Variants in MAGI2 observed in about 807,000 individuals in gnomAD.
The protein encoded by MAGI2 is membrane associated guanylate kinase, WW and PDZ domain containing 2, also known as membrane-associated guanylate kinase, WW and PDZ domain-containing protein 2.
MAGI2 carries 35 observed loss-of-function variants against 133.3 expected under a neutral mutation model. The observed-to-expected ratio is 0.26, with a 90% CI of 0.20 to 0.35. MAGI2 has a LOEUF of 0.35. Among genes scored for constraint, MAGI2 ranks in the 10% least tolerant of loss-of-function variants. The probability of loss-of-function intolerance (pLI) is 1.00; values close to 1 mark genes in which losing one functional copy is unlikely to be tolerated. For synonymous variants in MAGI2, 729 were observed against 710.6 expected (o/e 1.03, Z -0.41); for missense variants, 1,636 against 1,863.4 (o/e 0.88, Z 2.25).
intron 21 of MAGI2, among the ~76,000 whole-genome samples, chr7:78,046,684 C>T (rs1360209579): frequency 6.6e-6 from 1 of 152,062 alleles, no homozygotes; most frequent in Non-Finnish European, 1.5e-5. Context: ...CCAAGCAACT[C>T]ATGATAGCTC....
rs192334466 is a variant in MAGI2 at position 78,148,704 on chromosome 7, C to G, written c.2845+11321G>C. 9.2e-5 allele frequency among the ~76,000 whole-genome samples: 14 copies of G among 152,202 alleles called. No homozygotes were observed. In the East Asian group the frequency reaches 2.7e-3, roughly 29 times the overall value. On this transcript the variant is annotated intron_variant, in intron 16 of 21. Transcript: ENST00000354212. ...GGTGGTCAAGGTTAGGGGAAGCAGG[C>G]AGCATAGTCACAGTGGTATGACTTG...
intron 2 of MAGI2, among the ~76,000 whole-genome samples, chr7:78,853,988 G>C (rs1442089124): frequency 6.6e-6 from 1 of 151,806 alleles, no homozygotes; most frequent in East Asian, 1.9e-4. Context: ...TGTGATTTAA[G>C]AGTTTCTATC....
chr7:79,444,870 C>G (rs1179281132), intron 1 of MAGI2, among the ~76,000 whole-genome samples: 1 of 152,068 alleles, frequency 6.6e-6, no homozygotes, highest in Admixed American at 6.5e-5. Context: ...AATCCTAAGC[C>G]AAAAGAACAA....
chr7:78,700,579 T>C (rs1817966058), intron 2 of MAGI2, among the ~76,000 whole-genome samples: 1 of 152,094 alleles, frequency 6.6e-6, no homozygotes, highest in South Asian at 2.1e-4. Flanking sequence ...AATTTAAAAC[T>C]TTGTTTCTTC....
intron 21 of MAGI2, among the ~76,000 whole-genome samples, chr7:78,062,148 C>T (rs1196359104): frequency 6.6e-6 from 1 of 152,186 alleles, no homozygotes; most frequent in East Asian, 1.9e-4. Flanking sequence ...GAGATGGTAT[C>T]TTACTCATCT....
intron 1 of MAGI2, among the ~76,000 whole-genome samples, chr7:79,007,690 T>C (rs1200473710): frequency 6.6e-6 from 1 of 152,136 alleles, no homozygotes; most frequent in Non-Finnish European, 1.5e-5. Flanking sequence ...CTTAGCATAA[T>C]GTCTTAGAAG....
rs149932744 is a variant in MAGI2, at chr7:78,472,751, T to C, written c.1045+17010A>G. On this transcript the variant is annotated intron_variant, in intron 6 of 21. Transcript: ENST00000354212. The stretch of plus-strand genomic sequence containing the variant: ...TCCCAAGTTGCACAATAATGCTAAG[T>C]GCATCATCCTAAACATATGCTGTTG... 5.3e-5 allele frequency among the ~76,000 whole-genome samples: 8 copies of C among 152,268 alleles called. No homozygotes were observed. The East Asian group carries it at 1.6e-3, about 30-fold the overall frequency.
intron 1 of MAGI2, among the ~76,000 whole-genome samples, chr7:79,438,742 C>G (rs1436295067): frequency 6.6e-6 from 1 of 152,116 alleles, no homozygotes; most frequent in African/African-American, 2.4e-5. Flanking sequence ...CCTCCTCCCT[C>G]CATTCCCAGT....
intron 2 of MAGI2, among the ~76,000 whole-genome samples, chr7:78,789,643 C>T (rs1827109557): frequency 6.6e-6 from 1 of 152,100 alleles, no homozygotes; most frequent in Admixed American, 6.6e-5. Flanking sequence ...ATAATGACAT[C>T]AAGGTAAATG....
intron 1 of MAGI2, among the ~76,000 whole-genome samples, chr7:79,439,494 T>C (rs1342934746): frequency 6.6e-6 from 1 of 152,132 alleles, no homozygotes; most frequent in Non-Finnish European, 1.5e-5. Context: ...GTCCCTCCTA[T>C]GTGCTGTAAA....
At chr7:78,837,630 G>A (rs1791755917) in intron 2 of MAGI2, among the ~76,000 whole-genome samples, 1 of 152,030 alleles carries the variant, frequency 6.6e-6, no homozygotes, top group Admixed American at 6.6e-5. Flanking sequence ...AGATTTTATT[G>A]TAAAAATTAA....
intron 20 of MAGI2, among the ~76,000 whole-genome samples, chr7:78,102,956 A>T (rs1327019528): frequency 6.6e-6 from 1 of 152,140 alleles, no homozygotes; most frequent in Non-Finnish European, 1.5e-5. Context: ...GATTATCTAT[A>T]ATCTTTTCCA....
chr7:78,474,798 G>A (rs1791576450), intron 6 of MAGI2, among the ~76,000 whole-genome samples: 1 of 151,366 alleles, frequency 6.6e-6, no homozygotes, highest in Non-Finnish European at 1.5e-5. Context: ...AGAAAATATA[G>A]TGTATATATT....
intron 2 of MAGI2, among the ~76,000 whole-genome samples, chr7:78,673,604 G>A (rs1279271785): frequency 1.3e-5 from 2 of 152,052 alleles, no homozygotes; most frequent in Non-Finnish European, 2.9e-5. Flanking sequence ...CAGGCAAGAG[G>A]AGTTCCCTTT....
rs148722627 is a variant in MAGI2 at position 78,800,040 on chromosome 7, C to G, written c.419-172801G>C. 3.1e-3 allele frequency among the ~76,000 whole-genome samples: 464 copies of G among 152,124 alleles called. 1 individual carries two copies. The highest frequency in any genetic ancestry group is 0.011 in the African/African-American group (439 of 41,488). On this transcript the variant is annotated intron_variant, in intron 2 of 21. Transcript: ENST00000354212. ...TTTATAGGCAATTTGATTAAACTTG[C>G]CCCTAGCAGCTCTGTGGTATGATTC...
At chr7:78,997,184 G>T (rs1584620154) in intron 2 of MAGI2, among the ~76,000 whole-genome samples, 1 of 152,290 alleles carries the variant, frequency 6.6e-6, no homozygotes, top group East Asian at 1.9e-4. Context: ...ATATTGTGCA[G>T]ATATTTGCCG....
intron 2 of MAGI2, among the ~76,000 whole-genome samples, chr7:78,790,948 T>A (rs917717853): frequency 1.3e-5 from 2 of 152,212 alleles, no homozygotes; most frequent in Non-Finnish European, 2.9e-5. Context: ...AGCTTGGATT[T>A]AATTCCTAGA....
chr7:79,323,752 T>A (rs1269335324), intron 1 of MAGI2, among the ~76,000 whole-genome samples: 2 of 152,130 alleles, frequency 1.3e-5, no homozygotes, highest in Admixed American at 1.3e-4. Flanking sequence ...CAAAAGCCAA[T>A]TGGTACAGTT....
chr7:78,635,099 A>G (rs1809486243), intron 2 of MAGI2, among the ~76,000 whole-genome samples: 1 of 152,200 alleles, frequency 6.6e-6, no homozygotes, highest in African/African-American at 2.4e-5. Context: ...TCATGAGTTA[A>G]TGAAAGCATA....
Sources: allele counts gnomAD v4.1 joint callset (sites outside exome capture counted in the v4.1 genomes callset), GRCh38; gene constraint gnomAD v4.1.1; transcripts MANE v1.5; gene names NCBI Gene and HGNC (gene_info 2026-07-23, HGNC 2026-07-21).